SCARB1: variants seen among roughly 807,000 people sequenced by gnomAD.
The protein encoded by SCARB1 is CD36 and LIMPII analogous 1.
SCARB1 carries 30 observed loss-of-function variants against 57.2 expected under a neutral mutation model. The observed-to-expected ratio is 0.52, with a 90% CI of 0.39 to 0.71. The LOEUF is 0.71. Among genes scored for constraint, SCARB1 ranks in the 30% least tolerant of loss-of-function variants. The probability of loss-of-function intolerance (pLI) is 0.00; values close to 1 mark genes in which losing one functional copy is unlikely to be tolerated. For synonymous variants in SCARB1, 249 were observed against 268.3 expected, an observed-to-expected ratio of 0.93 and a Z score of 0.70; for missense variants, 543 against 671.2, an observed-to-expected ratio of 0.81 and a Z score of 2.11.
chr12:124,790,578 T>A (rs892011640), intron 9 of SCARB1, among the ~76,000 whole-genome samples: 1 of 152,164 alleles, frequency 6.6e-6, no homozygotes, highest in African/African-American at 2.4e-5. Flanking sequence ...CACTGCAAGA[T>A]AGTTTTTAAA....
intron 11 of SCARB1, chr12:124,786,087 T>C: frequency 6.5e-7 from 1 of 1,530,064 alleles, no homozygotes; most frequent in Middle Eastern, 1.7e-4. Context: ...AAGTACCAGG[T>C]CTCATTACTC....
At chr12:124,837,948 G>C (rs1207190687) in intron 1 of SCARB1, among the ~76,000 whole-genome samples, 2 of 152,132 alleles carry the variant, frequency 1.3e-5, no homozygotes, top group African/African-American at 4.8e-5. Context: ...AAAGAAAAAT[G>C]CCATTTCATG....
intron 12 of SCARB1, among the ~76,000 whole-genome samples, chr12:124,779,406 A>G (rs1872975994): frequency 6.6e-6 from 1 of 152,186 alleles, no homozygotes. Context: ...GCGCACATGC[A>G]GATTCAGAAA....
At chr12:124,852,381 C>T (rs554195378) in intron 1 of SCARB1, among the ~76,000 whole-genome samples, 2 of 152,304 alleles carry the variant, frequency 1.3e-5, no homozygotes, top group East Asian at 3.9e-4. Context: ...TTGGGGTGTT[C>T]CCCAGGGCGT....
At chr12:124,835,015 C>T (rs753625582) in intron 1 of SCARB1, among the ~76,000 whole-genome samples, 4 of 152,196 alleles carry the variant, frequency 2.6e-5, no homozygotes, top group Non-Finnish European at 4.4e-5. Context: ...GACTCAGACA[C>T]TCAGGGGCTG....
chr12:124,858,424 G>T (rs1188021559), intron 1 of SCARB1, among the ~76,000 whole-genome samples: 4 of 152,046 alleles, frequency 2.6e-5, no homozygotes, highest in Non-Finnish European at 4.4e-5. Flanking sequence ...CTACCCACTG[G>T]CAGAAGGGAA....
rs1226767209 is a variant in SCARB1, at chr12:124,863,659, C to T, written c.62G>A (p.Cys21Tyr). The T allele has an allele frequency of 3.2e-6, 5 of 1,582,206 alleles. No homozygotes were observed. Among genetic ancestry groups the T allele is most frequent in the Non-Finnish European group, 3.4e-6 (4 of 1,165,350 alleles). ...GATCATGACAGCGCCCAGCACAGCG[C>T]ACAGTAGCCCCGCGACGCCCAGCGC... ...AGALGVAGLL[C>Y]AVLGAVMIVM... The change falls in exon 1 of 13, where the codon TGC becomes TAC. Residue 21 changes from cysteine (C) to tyrosine (Y), a missense_variant. Physicochemically the swap from Cys to Tyr is radical, Grantham distance 194 (BLOSUM62 -2). Coordinates refer to ENST00000261693, the MANE Select transcript of SCARB1 (RefSeq NM_005505.5).
At position 124,800,875 on chromosome 12, in the gene SCARB1, A is replaced by G. The variant is rs915844987; in HGVS notation, c.1010-633T>C. 6.6e-6 allele frequency among the ~76,000 whole-genome samples: 1 copy of G among 152,216 alleles called. No homozygotes were observed. The highest frequency in any genetic ancestry group is 1.5e-5 in the Non-Finnish European group (1 of 68,036). ...TCGGGACAATGGACAACAGGCCTGA[A>G]GGACAAGTTAACAAGGAACAGCGAG... On this transcript the variant is annotated intron_variant, in intron 7 of 12. Transcript: ENST00000261693. The surrounding 1 kb of genome is among the most constrained non-coding windows in gnomAD (Gnocchi z 4.8).
intron 11 of SCARB1, chr12:124,786,023 C>T (rs868293509): frequency 3.4e-6 from 5 of 1,482,010 alleles, no homozygotes; most frequent in Non-Finnish European, 4.5e-6. Context: ...TACGTCCCCT[C>T]GCCCCTAACA....
intron 2 of SCARB1, among the ~76,000 whole-genome samples, chr12:124,815,486 A>C (rs1018992958): frequency 1.2e-4 from 19 of 152,336 alleles, no homozygotes; most frequent in African/African-American, 3.8e-4. Flanking sequence ...CGAGGTAAAC[A>C]TCAGCTGCTG....
intron 1 of SCARB1, among the ~76,000 whole-genome samples, chr12:124,853,560 A>G (rs535021521): frequency 3.3e-5 from 5 of 151,944 alleles, no homozygotes; most frequent in African/African-American, 1.2e-4. Context: ...ACGCCTGGCT[A>G]ATTTTTGTAT....
Position 124,833,859 on chromosome 12 carries a change from T to C in SCARB1, c.127-16152A>G, listed in dbSNP as rs188335232. Among the ~76,000 whole-genome samples, 23 of 152,356 alleles carry C rather than the reference T, an allele frequency of 1.5e-4. No individual in the cohort carries two copies. In the East Asian group the frequency reaches 3.1e-3, roughly 20 times the overall value. ...AACCCTGCTGTGTTTTGGCCTGAGC[T>C]GTCCTAAGAGAAACCCGGGCCGGGG... is the stretch of plus-strand genomic sequence containing the variant. On this transcript the variant is annotated intron_variant, in intron 1 of 12. Coordinates refer to ENST00000261693, the MANE Select transcript of SCARB1 (RefSeq NM_005505.5).
chr12:124,779,473 G>A (rs918097965), intron 12 of SCARB1, among the ~76,000 whole-genome samples: 4 of 152,198 alleles, frequency 2.6e-5, no homozygotes, highest in African/African-American at 9.6e-5. Flanking sequence ...GCGGGGCGCA[G>A]GACGTGGGGA....
rs992335039 is a variant in SCARB1, at chr12:124,780,411, G to A, written c.*1-1825C>T. Among the ~76,000 whole-genome samples the A allele has an allele frequency of 1.4e-4, 22 of 152,322 alleles. No homozygotes were observed. In the East Asian group the frequency reaches 4.2e-3, roughly 29 times the overall value. On this transcript the variant is annotated intron_variant, in intron 12 of 12. Transcript: ENST00000261693. ...TTCTCCCAAGCAAGGCAGCCCCTCA[G>A]GGCCATCCCCATACCCAGGTACAGG...
intron 12 of SCARB1, among the ~76,000 whole-genome samples, chr12:124,780,226 T>C (rs1277424174): frequency 1.3e-5 from 2 of 152,232 alleles, no homozygotes; most frequent in South Asian, 2.1e-4. Flanking sequence ...AAGGGCCACC[T>C]GGACAGTTGT....
chr12:124,861,722 C>T (rs1046538288), intron 1 of SCARB1, among the ~76,000 whole-genome samples: 13 of 152,232 alleles, frequency 8.5e-5, no homozygotes, highest in East Asian at 3.8e-4. Flanking sequence ...CCAAACCAAT[C>T]GCCTTTGGGA....
chr12:124,862,553 C>T (rs1952941085), intron 1 of SCARB1: 1 of 152,190 alleles, frequency 6.6e-6, no homozygotes, highest in Non-Finnish European at 1.5e-5. Flanking sequence ...TTAAGAAACC[C>T]AGTCCAAAGA....
rs200952914 is a variant in SCARB1 at position 124,810,154 on chromosome 12, C to T, written c.842+20G>A. The T allele has an allele frequency of 1.1e-4, 163 of 1,546,430 alleles. No individual in the cohort carries two copies. In the African/African-American group the frequency reaches 1.9e-3, roughly 18 times the overall value. ...TGAGCTACCCAGGAAACCCAGGAGG[C>T]CCCGAGTCCCAGTGATTACCGGCAG... On this transcript the variant is annotated intron_variant, in intron 6 of 12. Transcript: ENST00000261693. This position sits in a 1 kb window ranked among gnomAD's most constrained non-coding sequence, Gnocchi z 4.0.
intron 1 of SCARB1, among the ~76,000 whole-genome samples, chr12:124,832,385 T>C (rs1951435078): frequency 6.6e-6 from 1 of 152,086 alleles, no homozygotes; most frequent in Admixed American, 6.5e-5. Flanking sequence ...CCAGGTGTGG[T>C]GTCAGGCACC....
Sources: gnomAD v4.1 joint callset for allele counts (sites outside exome capture counted in the v4.1 genomes callset) on GRCh38, gnomAD v4.1.1 for gene constraint, Gnocchi (gnomAD v3.1) non-coding constraint, MANE v1.5 for transcripts, NCBI Gene and HGNC (gene_info 2026-07-23, HGNC 2026-07-21) for gene names.